The following OR4D2 variants were observed in gnomAD, a reference collection of about 807,000 sequenced individuals.
OR4D2 encodes olfactory receptor family 4 subfamily D member 2, also known as olfactory receptor 4D2.
A neutral mutation model predicts 12.4 loss-of-function variants in OR4D2; 9 were observed. That is an observed-to-expected ratio of 0.73 (90% CI 0.44 to 1.27). The LOEUF (loss-of-function observed/expected upper bound fraction) is 1.27. Among genes scored for constraint, OR4D2 ranks in the 50% most tolerant of loss-of-function variants. The pLI is 0.00. For synonymous variants in OR4D2, 151 were observed against 151.1 expected (o/e 1.00, Z 0.01); for missense variants, 373 against 381.6 (o/e 0.98, Z 0.19).
In OR4D2 at chr17:58,169,896, A is replaced by G; in HGVS notation, c.241A>G (p.Met81Val). ...LCFSSVTAPKMLVDLLSEKKT... is the reference protein window; with the variant it reads ...LCFSSVTAPKVLVDLLSEKKT... ...TTTCTCTTCAGTCACTGCTCCCAAAATGCTAGTGGACCTCCTCTCTGAGAA... is the reference window on the plus strand; with the variant it reads ...TTTCTCTTCAGTCACTGCTCCCAAAGTGCTAGTGGACCTCCTCTCTGAGAA... The change falls in exon 2 of 2, where the codon ATG becomes GTG. Residue 81 changes from methionine (M) to valine (V), a missense_variant. By Grantham distance (21) the Met-to-Val change is conservative. Transcript: ENST00000545221. The G allele has an allele frequency of 6.2e-7, 1 of 1,614,094 alleles. No homozygotes were observed. Among genetic ancestry groups the G allele is most frequent in the East Asian group, 2.2e-5 (1 of 44,882 alleles).
In OR4D2 at chr17:58,170,531, G is replaced by A. The variant is rs1350124715; in HGVS notation, c.876G>A (p.Gln292=). ...CCATGATCTATACCCTGAGGAACCA[G>A]GACATGCAGGCAGCAGTGAGAAGAT... is the stretch of plus-strand genomic sequence containing the variant. ...LNPMIYTLRN[Q]DMQAAVRRLG... Residue 292 remains glutamine, a synonymous_variant, in exon 2 of 2, where the codon CAG becomes CAA. Coordinates refer to ENST00000545221, the MANE Select transcript of OR4D2 (RefSeq NM_001004707.4). 1 of 1,614,106 alleles carries A rather than the reference G, an allele frequency of 6.2e-7. No individual in the cohort carries two copies. The highest frequency in any genetic ancestry group is 8.5e-7 in the Non-Finnish European group (1 of 1,180,046).
Position 58,170,349 on chromosome 17 carries a change from G to T in OR4D2, c.694G>T (p.Ala232Ser). The T allele has an allele frequency of 6.2e-6, 10 of 1,614,172 alleles. No homozygotes were observed. The highest frequency in any genetic ancestry group is 8.5e-6 in the Non-Finnish European group (10 of 1,180,018). Reference sequence around the variant, plus strand: ...GATGCTGAGGTCACATCCAGGGGAGGCAAGAAGGAAGGCAGCTTCCACCTG... The same window carrying T: ...GATGCTGAGGTCACATCCAGGGGAGTCAAGAAGGAAGGCAGCTTCCACCTG... ...LVMLRSHPGE[A>S]RRKAASTCTT... The change falls in exon 2 of 2, where the codon GCA (alanine) becomes TCA (serine). Residue 232 changes from alanine (A) to serine (S), a missense_variant. Physicochemically the swap from Ala to Ser is moderately conservative, Grantham distance 99. Transcript: ENST00000545221.
chr17:58,170,837 A>G lies in OR4D2; in HGVS notation c.*258A>G. 1 of 437,112 alleles carries G rather than the reference A, an allele frequency of 2.3e-6. No individual in the cohort carries two copies. Among genetic ancestry groups the G allele is most frequent in the South Asian group, 2.8e-5 (1 of 36,034 alleles). 27.1% of individuals were successfully genotyped at this position (437,112 alleles called of 1,614,324 possible). ...CCCTGAAAACCACACCTTCCTTTTCACCTTCTTGGTGGACAGTTTCCTGTT... is the reference window on the plus strand; with the variant it reads ...CCCTGAAAACCACACCTTCCTTTTCGCCTTCTTGGTGGACAGTTTCCTGTT... On this transcript the variant is annotated 3_prime_UTR_variant, in exon 2 of 2. Transcript: ENST00000545221.
chr17:58,170,309 C>G lies in OR4D2; in HGVS notation c.654C>G (p.Tyr218Ter), dbSNP rs541419569. 1 of 1,614,218 alleles carries G rather than the reference C, an allele frequency of 6.2e-7. No individual in the cohort carries two copies. The highest frequency in any genetic ancestry group is 1.7e-5 in the Admixed American group (1 of 60,026). ...VVWFFLLLMSYLFILVMLRSH... is the reference protein window; with the variant it reads ...VVWFFLLLMS ...GGTTCTTCCTCCTCCTGATGTCCTA[C>G]TTATTCATCCTGGTGATGCTGAGGT... Residue 218 changes from tyrosine to a stop codon, truncating the protein, a stop_gained, in exon 2 of 2, where the codon TAC (tyrosine) becomes TAG (stop). Transcript: ENST00000545221. LOFTEE classifies it high-confidence loss of function.
Position 58,170,118 on chromosome 17 carries a change from C to T in OR4D2, c.463C>T (p.His155Tyr). The part of the protein sequence containing the change: ...VVATWVGGFV[H>Y]SIVQLALMLP... ...AGCCACCTGGGTGGGAGGCTTTGTC[C>T]ACTCTATTGTCCAGCTGGCTCTGAT... The change falls in exon 2 of 2, where the codon CAC becomes TAC. Residue 155 changes from histidine to tyrosine, a missense_variant. His to Tyr is a moderately conservative substitution (Grantham distance 83). Coordinates refer to ENST00000545221, the MANE Select transcript of OR4D2 (RefSeq NM_001004707.4). The T allele has an allele frequency of 6.2e-7, 1 of 1,614,064 alleles. No individual in the cohort carries two copies. The highest frequency in any genetic ancestry group is 8.5e-7 in the Non-Finnish European group (1 of 1,179,994).
At position 58,170,263 on chromosome 17, in the gene OR4D2, G is replaced by A. The variant is rs753281353; in HGVS notation, c.608G>A (p.Ser203Asn). 1.2e-6 allele frequency: 2 copies of A among 1,614,180 alleles called. No homozygotes were observed. The highest frequency in any genetic ancestry group is 2.2e-5 in the South Asian group (2 of 91,076). The change falls in exon 2 of 2, where the codon AGT becomes AAT. Residue 203 changes from serine to asparagine, a missense_variant. Coordinates refer to ENST00000545221, the MANE Select transcript of OR4D2 (RefSeq NM_001004707.4). ...CTGGAGTTCCTCAAGATCTCCAACA[G>A]TGGGCTGCTGGATGTCGTCTGGTTC... is the stretch of plus-strand genomic sequence containing the variant. Reference protein sequence around the residue: ...SLLEFLKISNSGLLDVVWFFL... With the variant: ...SLLEFLKISNNGLLDVVWFFL...
rs1387409500 is a variant in OR4D2, at chr17:58,170,446, C to T, written c.791C>T (p.Pro264Leu). Residue 264 changes from proline (P) to leucine (L), a missense_variant, in exon 2 of 2, where the codon CCA (proline) becomes CTA (leucine). Coordinates refer to ENST00000545221, the MANE Select transcript of OR4D2 (RefSeq NM_001004707.4). ...SIYLYARPFT[P>L]FPMDKLVSIG... ...TACCTCTATGCCCGGCCCTTCACTC[C>T]ATTCCCTATGGACAAGCTTGTGTCC... 1 of 1,614,196 alleles carries T rather than the reference C, an allele frequency of 6.2e-7. No individual in the cohort carries two copies. The highest frequency in any genetic ancestry group is 8.5e-7 in the Non-Finnish European group (1 of 1,180,032).
rs577914597 is a variant in OR4D2 at position 58,169,776 on chromosome 17, G to C, written c.121G>C (p.Gly41Arg). ...GTTTGTCTACATCACCACTGTTATG[G>C]GAAACATCCTTATCATCATCACAGT... is the stretch of plus-strand genomic sequence containing the variant. ...FLFVYITTVMGNILIIITVTS... is the reference protein window; with the variant it reads ...FLFVYITTVMRNILIIITVTS... The change falls in exon 2 of 2, where the codon GGA becomes CGA. Residue 41 changes from glycine to arginine, a missense_variant. Transcript: ENST00000545221. 1 of 1,614,024 alleles carries C rather than the reference G, an allele frequency of 6.2e-7. No homozygotes were observed. The highest frequency in any genetic ancestry group is 8.5e-7 in the Non-Finnish European group (1 of 1,179,962).
chr17:58,167,324 CA>C (rs1415980125), intron 1 of OR4D2, among the ~76,000 whole-genome samples: 7 of 152,010 alleles, frequency 4.6e-5, no homozygotes, highest in Admixed American at 3.9e-4. Context: ...GGGGAGGAGT[CA>C]AAGGGAAAGT....
At chr17:58,169,053 G>A (rs1967926239) in intron 1 of OR4D2, among the ~76,000 whole-genome samples, 1 of 152,172 alleles carries the variant, frequency 6.6e-6, no homozygotes, top group South Asian at 2.1e-4. Flanking sequence ...GGAAAATATA[G>A]ACAAGGAAAA....
In OR4D2 at chr17:58,169,929, A is replaced by G. The variant is rs749596983; in HGVS notation, c.274A>G (p.Ile92Val). The G allele has an allele frequency of 1.2e-6, 2 of 1,614,132 alleles. No homozygotes were observed. Among genetic ancestry groups the G allele is most frequent in the South Asian group, 1.1e-5 (1 of 91,080 alleles). ...LVDLLSEKKT[I>V]SYQGCMGQIF... ...GGACCTCCTCTCTGAGAAGAAAACC[A>G]TCTCTTACCAGGGCTGCATGGGTCA... Residue 92 changes from isoleucine (I) to valine (V), a missense_variant, in exon 2 of 2, where the codon ATC becomes GTC. Coordinates refer to ENST00000545221, the MANE Select transcript of OR4D2 (RefSeq NM_001004707.4).
In OR4D2 at chr17:58,169,905, G is replaced by A; in HGVS notation, c.250G>A (p.Asp84Asn). Reference protein sequence around the residue: ...SSVTAPKMLVDLLSEKKTISY... With the variant: ...SSVTAPKMLVNLLSEKKTISY... Reference sequence around the variant, plus strand: ...AGTCACTGCTCCCAAAATGCTAGTGGACCTCCTCTCTGAGAAGAAAACCAT... The same window carrying A: ...AGTCACTGCTCCCAAAATGCTAGTGAACCTCCTCTCTGAGAAGAAAACCAT... Residue 84 changes from aspartate (D) to asparagine (N), a missense_variant, in exon 2 of 2, where the codon GAC (aspartate) becomes AAC (asparagine). Physicochemically the swap from Asp to Asn is conservative, Grantham distance 23. Coordinates refer to ENST00000545221, the MANE Select transcript of OR4D2 (RefSeq NM_001004707.4). 6.2e-7 allele frequency: 1 copy of A among 1,614,064 alleles called. No homozygotes were observed. The highest frequency in any genetic ancestry group is 8.5e-7 in the Non-Finnish European group (1 of 1,180,004).
At position 58,169,652 on chromosome 17, in the gene OR4D2, C is replaced by T; in HGVS notation, c.-4C>T. ...ATTTTCTTCAGGTGTATGGAGAAAACACCATGGAAACAGGGAACCTCACGT... is the reference window on the plus strand; with the variant it reads ...ATTTTCTTCAGGTGTATGGAGAAAATACCATGGAAACAGGGAACCTCACGT... On this transcript the variant is annotated 5_prime_UTR_variant, in exon 2 of 2. Coordinates refer to ENST00000545221, the MANE Select transcript of OR4D2 (RefSeq NM_001004707.4). The T allele has an allele frequency of 6.2e-7, 1 of 1,611,654 alleles. No individual in the cohort carries two copies. The highest frequency in any genetic ancestry group is 1.1e-5 in the South Asian group (1 of 91,028).
chr17:58,168,139 C>T (rs886262171), intron 1 of OR4D2, among the ~76,000 whole-genome samples: 1 of 146,758 alleles, frequency 6.8e-6, no homozygotes, highest in African/African-American at 2.5e-5. Flanking sequence ...GAGATTGAGA[C>T]AGGGCAGGGG....
At position 58,170,031 on chromosome 17, in the gene OR4D2, A is replaced by G; in HGVS notation, c.376A>G (p.Ile126Val). The change falls in exon 2 of 2, where the codon ATC becomes GTC. Residue 126 changes from isoleucine (I) to valine (V), a missense_variant. Ile to Val is a conservative substitution (Grantham distance 29). Coordinates refer to ENST00000545221, the MANE Select transcript of OR4D2 (RefSeq NM_001004707.4). ...GATGGCCTTTGACCGCCTCATTGCC[A>G]TCTCCCGGCCCCTCCGCTATGTCAC... ...SVMAFDRLIA[I>V]SRPLRYVTVM... 5.0e-6 allele frequency: 8 copies of G among 1,613,764 alleles called. No individual in the cohort carries two copies. The highest frequency in any genetic ancestry group is 1.3e-5 in the African/African-American group (1 of 74,884).
In OR4D2 at chr17:58,167,224, G is replaced by GA. The variant is rs574240929; in HGVS notation, c.-19+177dup. 3.9e-3 allele frequency among the ~76,000 whole-genome samples: 597 copies of GA among 152,250 alleles called. 3 individuals are homozygous for GA. Among genetic ancestry groups the GA allele is most frequent in the African/African-American group, 0.014 (564 of 41,538 alleles). ...TACAATCTAGTTAAGAGAAGCAATAGAAAAAATGATAAATGCTATAATGGA... is the reference window on the plus strand; with the variant it reads ...TACAATCTAGTTAAGAGAAGCAATAGAAAAAAATGATAAATGCTATAATGGA... On this transcript the variant is annotated intron_variant, in intron 1 of 1. Coordinates refer to ENST00000545221, the MANE Select transcript of OR4D2 (RefSeq NM_001004707.4).
Position 58,170,294 on chromosome 17 carries a change from C to A in OR4D2, c.639C>A (p.Leu213=). The A allele has an allele frequency of 6.2e-7, 1 of 1,614,214 alleles. No individual in the cohort carries two copies. Among genetic ancestry groups the A allele is most frequent in the Non-Finnish European group, 8.5e-7 (1 of 1,180,024 alleles). ...SGLLDVVWFF[L]LLMSYLFILV... ...TGCTGGATGTCGTCTGGTTCTTCCTCCTCCTGATGTCCTACTTATTCATCC... is the reference window on the plus strand; with the variant it reads ...TGCTGGATGTCGTCTGGTTCTTCCTACTCCTGATGTCCTACTTATTCATCC... Residue 213 remains leucine (L), a synonymous_variant, in exon 2 of 2, where the codon CTC becomes CTA. Transcript: ENST00000545221.
chr17:58,169,865 C>T lies in OR4D2; in HGVS notation c.210C>T (p.Asp70=), dbSNP rs766586986. ...TGCTCCGAAACCTGGCTGTCCTAGA[C>T]CTCTGTTTCTCTTCAGTCACTGCTC... ...YFLLRNLAVL[D]LCFSSVTAPK... The change falls in exon 2 of 2, where the codon GAC becomes GAT. Residue 70 remains aspartate (D), a synonymous_variant. Transcript: ENST00000545221. 6.2e-7 allele frequency: 1 copy of T among 1,614,046 alleles called. No individual in the cohort carries two copies. The highest frequency in any genetic ancestry group is 2.2e-5 in the East Asian group (1 of 44,902).
rs752063294 is a variant in OR4D2, at chr17:58,169,879, C to T, written c.224C>T (p.Ser75Leu). ...GCTGTCCTAGACCTCTGTTTCTCTT[C>T]AGTCACTGCTCCCAAAATGCTAGTG... ...NLAVLDLCFSSVTAPKMLVDL... is the reference protein window; with the variant it reads ...NLAVLDLCFSLVTAPKMLVDL... Residue 75 changes from serine (S) to leucine (L), a missense_variant, in exon 2 of 2, where the codon TCA becomes TTA. Physicochemically the swap from Ser to Leu is moderately radical, Grantham distance 145. Transcript: ENST00000545221. 41 of 1,614,152 alleles carry T rather than the reference C, an allele frequency of 2.5e-5. No individual in the cohort carries two copies. Among genetic ancestry groups the T allele is most frequent in the Non-Finnish European group, 3.4e-5 (40 of 1,179,992 alleles).
Sources: allele counts gnomAD v4.1 joint callset (sites outside exome capture counted in the v4.1 genomes callset), GRCh38; gene constraint gnomAD v4.1.1; transcripts MANE v1.5; gene names NCBI Gene and HGNC (gene_info 2026-07-23, HGNC 2026-07-21).